TBCK: variants seen among roughly 807,000 people sequenced by gnomAD.
TBCK encodes the protein TBC1 domain containing kinase.
In TBCK, 99 loss-of-function variants were observed where a neutral mutation model predicts 113.4. The observed-to-expected ratio is 0.87, with a 90% CI of 0.74 to 1.03. The LOEUF is 1.03. TBCK is among the 50% of genes least tolerant of loss of function. TBCK has a pLI of 0.00. For missense variants in TBCK, 1,045 were observed against 1,061.3 expected (o/e 0.98, Z 0.21); for synonymous variants, 369 against 370.8 (o/e 1.00, Z 0.05).
intron 24 of TBCK, among the ~76,000 whole-genome samples, chr4:106,098,633 A>G (rs1478241224): frequency 2.6e-5 from 3 of 116,262 alleles, no homozygotes; most frequent in Non-Finnish European, 4.3e-5. Flanking sequence ...AGACTGGAAT[A>G]ATAATAGTTA....
At chr4:106,070,353 G>C (rs564949132) in intron 25 of TBCK, among the ~76,000 whole-genome samples, 191 of 152,302 alleles carry the variant, frequency 1.3e-3, no homozygotes, top group Non-Finnish European at 1.9e-3. Context: ...AGCATGAAGG[G>C]CTGTTGAATT....
chr4:106,068,252 T>C (rs1736899577), intron 25 of TBCK, among the ~76,000 whole-genome samples: 1 of 152,152 alleles, frequency 6.6e-6, no homozygotes, highest in African/African-American at 2.4e-5. Context: ...GCTGTACTCA[T>C]TAACTGGTCA....
intron 5 of TBCK, among the ~76,000 whole-genome samples, chr4:106,253,921 A>C (rs1483516781): frequency 2.6e-5 from 4 of 152,208 alleles, no homozygotes; most frequent in Non-Finnish European, 4.4e-5. Flanking sequence ...ATCACAAGGG[A>C]CAAAGATAGA....
intron 23 of TBCK, among the ~76,000 whole-genome samples, chr4:106,119,762 T>C (rs1394606795): frequency 6.6e-6 from 1 of 152,116 alleles, no homozygotes; most frequent in Non-Finnish European, 1.5e-5. Flanking sequence ...AAACTCTCCA[T>C]CAGACAAGGG....
intron 20 of TBCK, among the ~76,000 whole-genome samples, chr4:106,205,823 G>A (rs997540426): frequency 6.6e-6 from 1 of 150,948 alleles, no homozygotes; most frequent in South Asian, 2.1e-4. Context: ...AGAAACTACC[G>A]CTATCTGAGA....
chr4:106,120,322 C>T (rs1345347686), intron 23 of TBCK, among the ~76,000 whole-genome samples: 4 of 152,090 alleles, frequency 2.6e-5, no homozygotes, highest in Non-Finnish European at 5.9e-5. Context: ...CTTACGCCCA[C>T]AGAGTCTCGC....
chr4:106,108,170 C>A (rs1458752522), intron 24 of TBCK, among the ~76,000 whole-genome samples: 1 of 152,084 alleles, frequency 6.6e-6, no homozygotes, highest in Non-Finnish European at 1.5e-5. Flanking sequence ...CAAATTCTAC[C>A]AGATGTACAA....
chr4:106,052,724 C>T (rs1734945516), intron 25 of TBCK, among the ~76,000 whole-genome samples: 1 of 151,476 alleles, frequency 6.6e-6, no homozygotes, highest in African/African-American at 2.4e-5. Context: ...TCATGTCTTC[C>T]CATTCTTTCT....
At chr4:106,170,046 G>A (rs1470394951) in intron 23 of TBCK, among the ~76,000 whole-genome samples, 1 of 152,002 alleles carries the variant, frequency 6.6e-6, no homozygotes, top group African/African-American at 2.4e-5. Flanking sequence ...CCTGCTGTAT[G>A]GCCTGGTTCC....
In TBCK at chr4:106,308,791, A is replaced by G. The variant is rs557542428; in HGVS notation, c.170T>C (p.Val57Ala). The change falls in exon 2 of 26, where the codon GTG (valine) becomes GCG (alanine). Residue 57 changes from valine to alanine, a missense_variant. Coordinates refer to ENST00000394708, the MANE Select transcript of TBCK (RefSeq NM_001163435.3). ...ACCATGCTTTCCCCTAGAAATATCC[A>G]CATACTGGCAGAGTCTGGGATGGGT... ...TITHPRLCQY[V>A]DISRGKHERL... The G allele has an allele frequency of 1.2e-6, 2 of 1,613,456 alleles. No individual in the cohort carries two copies. Among genetic ancestry groups the G allele is most frequent in the South Asian group, 2.2e-5 (2 of 90,814 alleles).
chr4:106,302,377 C>G lies in TBCK; in HGVS notation c.193+6391G>C, dbSNP rs538907126. On this transcript the variant is annotated intron_variant, in intron 2 of 25. Coordinates refer to ENST00000394708, the MANE Select transcript of TBCK (RefSeq NM_001163435.3). ...TCAGTTCCCACCCGACTTTGATAAT[C>G]AAAAAGAAGGTTCACAGGGAAAATA... is the stretch of plus-strand genomic sequence containing the variant. 3.9e-4 allele frequency among the ~76,000 whole-genome samples: 59 copies of G among 152,096 alleles called. 1 individual carries two copies. Among genetic ancestry groups the G allele is most frequent in the African/African-American group, 1.3e-3 (56 of 41,514 alleles).
chr4:106,205,587 C>CAAAAAAAAAAAAAAAAAAAAAAAA, intron 20 of TBCK, among the ~76,000 whole-genome samples: 1 of 64,200 alleles, frequency 1.6e-5, no homozygotes. Flanking sequence ...ACTAAAAATA[C>CAAAAAAAAAAAAAAAAAAAAAAAA]AAAAAAAAAA....
At chr4:106,196,632 T>C (rs1176567686) in intron 20 of TBCK, among the ~76,000 whole-genome samples, 2 of 152,048 alleles carry the variant, frequency 1.3e-5, no homozygotes, top group African/African-American at 4.8e-5. Context: ...GACATTTAGA[T>C]ACATTTTTCT....
At chr4:106,247,569 C>A in intron 9 of TBCK, 3 of 260,814 alleles carry the variant, frequency 1.2e-5, no homozygotes, top group South Asian at 7.2e-5. Context: ...CCCTGACTAG[C>A]ATTCACCTGC....
intron 25 of TBCK, among the ~76,000 whole-genome samples, chr4:106,061,021 G>A (rs761220139): frequency 2.7e-5 from 4 of 149,766 alleles, no homozygotes; most frequent in Non-Finnish European, 5.9e-5. Context: ...GGATGGATGA[G>A]GAGTTGCTTC....
intron 10 of TBCK, among the ~76,000 whole-genome samples, chr4:106,246,360 G>C (rs1354235751): frequency 6.6e-6 from 1 of 152,076 alleles, no homozygotes; most frequent in Non-Finnish European, 1.5e-5. Context: ...CAACTTTTCA[G>C]AATAAAGGTA....
chr4:106,067,562 C>T (rs986331790), intron 25 of TBCK, among the ~76,000 whole-genome samples: 2 of 152,070 alleles, frequency 1.3e-5, no homozygotes, highest in Non-Finnish European at 2.9e-5. Flanking sequence ...TGTAAGAAAC[C>T]ACTGTCAAAT....
chr4:106,123,896 C>A (rs964317031), intron 23 of TBCK, among the ~76,000 whole-genome samples: 6 of 150,066 alleles, frequency 4.0e-5, no homozygotes, highest in African/African-American at 1.5e-4. Context: ...ACCATAAAAA[C>A]CCTAGAAGAA....
At chr4:106,057,491 T>C (rs1460805211) in intron 25 of TBCK, among the ~76,000 whole-genome samples, 1 of 151,768 alleles carries the variant, frequency 6.6e-6, no homozygotes, top group Admixed American at 6.6e-5. Context: ...CTCTTTAACA[T>C]AGCACTCAAG....
Sources: allele counts gnomAD v4.1 joint callset (sites outside exome capture counted in the v4.1 genomes callset), GRCh38; gene constraint gnomAD v4.1.1; transcripts MANE v1.5; gene names NCBI Gene and HGNC (gene_info 2026-07-23, HGNC 2026-07-21).